KCNQ5: variants seen among roughly 807,000 people sequenced by gnomAD.
KCNQ5 encodes the protein potassium voltage-gated channel subfamily KQT member 5.
In KCNQ5, 30 loss-of-function variants were observed where a neutral mutation model predicts 98.2. That is an observed-to-expected ratio of 0.31 (90% CI 0.23 to 0.41). The LOEUF (loss-of-function observed/expected upper bound fraction) is 0.41. Ranked by LOEUF, KCNQ5 falls within the 10% of genes least tolerant of loss-of-function variation. The probability of loss-of-function intolerance (pLI) is 1.00; values close to 1 mark genes in which losing one functional copy is unlikely to be tolerated. For synonymous variants in KCNQ5, 458 were observed against 449.4 expected (o/e 1.02, Z -0.24); for missense variants, 835 against 1,182.5 (o/e 0.71, Z 4.31).
intron 1 of KCNQ5, among the ~76,000 whole-genome samples, chr6:72,706,436 A>C (rs1459893538): frequency 6.6e-6 from 1 of 152,042 alleles, no homozygotes; most frequent in African/African-American, 2.4e-5. Context: ...TATGTGAATA[A>C]TATGTTCATA....
chr6:73,001,133 AC>A (rs1769549085), intron 1 of KCNQ5, among the ~76,000 whole-genome samples: 1 of 152,002 alleles, frequency 6.6e-6, no homozygotes, highest in Non-Finnish European at 1.5e-5. Context: ...CATCTCAAAC[AC>A]CATCTTTTTT....
chr6:72,741,125 G>C (rs1176772283), intron 1 of KCNQ5, among the ~76,000 whole-genome samples: 2 of 152,220 alleles, frequency 1.3e-5, no homozygotes, highest in Admixed American at 1.3e-4. Context: ...AAATACAGGA[G>C]TTGGGATGTT....
rs543980702 is a variant in KCNQ5 at position 73,107,119 on chromosome 6, A to G, written c.1029+1752A>G. The stretch of plus-strand genomic sequence containing the variant: ...ACGCAGTCTTGGGTTTTTTCCCAAA[A>G]TAATGGCACAAAATAATTGCAGCTT... On this transcript the variant is annotated intron_variant, in intron 6 of 13. Transcript: ENST00000370398. 4.9e-4 allele frequency among the ~76,000 whole-genome samples: 74 copies of G among 152,332 alleles called. 1 individual carries two copies. The highest frequency in any genetic ancestry group is 1.2e-4 in the Non-Finnish European group (8 of 68,022).
chr6:72,850,831 A>T (rs1193995901), intron 1 of KCNQ5, among the ~76,000 whole-genome samples: 1 of 152,174 alleles, frequency 6.6e-6, no homozygotes, highest in South Asian at 2.1e-4. Context: ...TGACCAAATT[A>T]TATTTTACAT....
chr6:72,852,021 T>C (rs1777280676), intron 1 of KCNQ5, among the ~76,000 whole-genome samples: 1 of 152,166 alleles, frequency 6.6e-6, no homozygotes, highest in Non-Finnish European at 1.5e-5. Flanking sequence ...TAGTAGTTAC[T>C]ATCCTTTCTG....
intron 1 of KCNQ5, among the ~76,000 whole-genome samples, chr6:72,864,413 T>C (rs998302958): frequency 2.0e-5 from 3 of 152,208 alleles, no homozygotes; most frequent in African/African-American, 7.2e-5. Context: ...CGGCAAACTC[T>C]TTGCCCAGAA....
In KCNQ5 at chr6:73,133,859, T is replaced by A. The variant is rs955814967; in HGVS notation, c.1468+218T>A. On this transcript the variant is annotated intron_variant, in intron 10 of 13. Coordinates refer to ENST00000370398, the MANE Select transcript of KCNQ5 (RefSeq NM_019842.4). ...AACCACTTTGGCAGCTAAATTTACA[T>A]TCCAAAGAAGCTGACAAAATGTTGT... 1.3e-5 allele frequency: 9 copies of A among 686,382 alleles called. No individual in the cohort carries two copies. In the Admixed American group the frequency reaches 1.6e-4, roughly 12 times the overall value. The allele number at this position is 686,382 out of a possible 1,614,324, so 42.5% of individuals were successfully genotyped here. A position where few individuals can be genotyped will look rare whatever the true frequency, so the allele number is the denominator to read the frequency against.
chr6:73,168,070 C>A lies in KCNQ5; in HGVS notation c.1469-1676C>A, dbSNP rs114175282. 6.9e-3 allele frequency among the ~76,000 whole-genome samples: 1,046 copies of A among 152,294 alleles called. 15 individuals carry two copies. Among genetic ancestry groups the A allele is most frequent in the African/African-American group, 0.024 (991 of 41,550 alleles). On this transcript the variant is annotated intron_variant, in intron 10 of 13. Coordinates refer to ENST00000370398, the MANE Select transcript of KCNQ5 (RefSeq NM_019842.4). ...CTTAAAGGCAAGAAAGCCAAAGGGA[C>A]CTCGAAGAAGAGCTGTGAAGATCCA...
At chr6:72,827,915 A>T (rs1377282486) in intron 1 of KCNQ5, among the ~76,000 whole-genome samples, 1 of 152,102 alleles carries the variant, frequency 6.6e-6, no homozygotes, top group Non-Finnish European at 1.5e-5. Context: ...ATAGGGTAAG[A>T]GGTGGAAGTC....
intron 1 of KCNQ5, among the ~76,000 whole-genome samples, chr6:72,864,180 C>G (rs1258469934): frequency 2.6e-5 from 4 of 152,162 alleles, no homozygotes; most frequent in Non-Finnish European, 5.9e-5. Flanking sequence ...CCCTTGTACT[C>G]TACACCTACC....
chr6:72,908,498 A>G (rs895573928), intron 1 of KCNQ5, among the ~76,000 whole-genome samples: 12 of 152,156 alleles, frequency 7.9e-5, no homozygotes, highest in Admixed American at 5.9e-4. Context: ...TGTAATTTGT[A>G]ATTTTGATCT....
chr6:73,011,201 A>G (rs975258019), intron 2 of KCNQ5, among the ~76,000 whole-genome samples: 9 of 152,138 alleles, frequency 5.9e-5, no homozygotes, highest in Non-Finnish European at 1.3e-4. Flanking sequence ...ATCAATCATG[A>G]TGTAGTTTCC....
intron 11 of KCNQ5, among the ~76,000 whole-genome samples, chr6:73,172,775 A>C (rs1054700637): frequency 1.3e-5 from 2 of 152,200 alleles, no homozygotes; most frequent in Non-Finnish European, 2.9e-5. Context: ...AATTGTTAGA[A>C]TATTTAATAC....
chr6:72,894,456 A>G (rs944239732), intron 1 of KCNQ5, among the ~76,000 whole-genome samples: 4 of 152,232 alleles, frequency 2.6e-5, no homozygotes, highest in Non-Finnish European at 4.4e-5. Flanking sequence ...TCTTTGTTAG[A>G]AATAATATGC....
intron 1 of KCNQ5, among the ~76,000 whole-genome samples, chr6:72,944,383 C>G (rs1401489036): frequency 6.6e-6 from 1 of 152,108 alleles, no homozygotes; most frequent in African/African-American, 2.4e-5. Context: ...AAGGTCAATT[C>G]TTTAAAAAGT....
At chr6:72,785,248 A>T (rs1773676615) in intron 1 of KCNQ5, among the ~76,000 whole-genome samples, 1 of 152,146 alleles carries the variant, frequency 6.6e-6, no homozygotes, top group African/African-American at 2.4e-5. Flanking sequence ...TGGCACTGTG[A>T]CTATGCTCCT....
At chr6:73,060,955 A>C (rs746988490) in intron 3 of KCNQ5, among the ~76,000 whole-genome samples, 1 of 152,154 alleles carries the variant, frequency 6.6e-6, no homozygotes, top group Non-Finnish European at 1.5e-5. Context: ...AATATCTACC[A>C]AAATTACTTA....
chr6:72,689,730 A>G (rs1352790061), intron 1 of KCNQ5, among the ~76,000 whole-genome samples: 2 of 152,156 alleles, frequency 1.3e-5, no homozygotes, highest in East Asian at 1.9e-4. Context: ...GTGACATTGC[A>G]TGCAGTTTTA....
chr6:73,145,350 G>T (rs1050541873), intron 10 of KCNQ5, among the ~76,000 whole-genome samples: 1 of 152,152 alleles, frequency 6.6e-6, no homozygotes, highest in African/African-American at 2.4e-5. Context: ...TTGCACTTAG[G>T]TCTAAGTTCA....
Sources: gnomAD v4.1 joint callset for allele counts (sites outside exome capture counted in the v4.1 genomes callset) on GRCh38, gnomAD v4.1.1 for gene constraint, MANE v1.5 for transcripts, NCBI Gene and HGNC (gene_info 2026-07-23, HGNC 2026-07-21) for gene names.